Variants in NR1H4 observed in about 807,000 individuals in gnomAD.
NR1H4 encodes the protein nuclear receptor subfamily 1 group H member 4.
NR1H4 carries 23 observed loss-of-function variants against 58.5 expected under a neutral mutation model. That is an observed-to-expected ratio of 0.39 (90% CI 0.28 to 0.56). NR1H4 has a LOEUF of 0.56. Among genes scored for constraint, NR1H4 ranks in the 20% least tolerant of loss-of-function variants. The pLI, the probability that NR1H4 is intolerant of heterozygous loss-of-function variation, is 0.58. For missense variants in NR1H4, 487 were observed against 576.9 expected, an observed-to-expected ratio of 0.84 and a Z score of 1.60; for synonymous variants, 214 against 198.0, an observed-to-expected ratio of 1.08 and a Z score of -0.68.
In NR1H4 at chr12:100,563,592, T is replaced by C; in HGVS notation, c.*103T>C. ...TGTACCCAGTTTCACTCAAGAAATC[T>C]TGATGAATATTTATGTTGTAATTAC... On this transcript the variant is annotated 3_prime_UTR_variant, in exon 11 of 11. Transcript: ENST00000392986. 1 of 901,528 alleles carries C rather than the reference T, an allele frequency of 1.1e-6. No individual in the cohort carries two copies. Among genetic ancestry groups the C allele is most frequent in the Non-Finnish European group, 1.9e-6 (1 of 539,768 alleles). The allele number at this position is 901,528 out of a possible 1,614,324, so 55.8% of individuals were successfully genotyped here.
At chr12:100,520,384 T>A (rs969100932) in intron 4 of NR1H4, among the ~76,000 whole-genome samples, 47 of 151,594 alleles carry the variant, frequency 3.1e-4, no homozygotes, top group African/African-American at 1.1e-3. Context: ...GTTGGAAGAG[T>A]CAGAGTAACA....
chr12:100,483,617 G>A (rs1292882931), intron 1 of NR1H4, among the ~76,000 whole-genome samples: 1 of 152,146 alleles, frequency 6.6e-6, no homozygotes, highest in African/African-American at 2.4e-5. Flanking sequence ...TTTGAGTGCT[G>A]CTTGAAGACC....
In NR1H4 at chr12:100,503,605, G is replaced by T. The variant is rs1339367470; in HGVS notation, c.80-7173G>T. ...GTAACAGATGTCTGTCAAAGATAGT[G>T]GCTCAGTCAGACCCAGAAGACTGGA... On this transcript the variant is annotated intron_variant, in intron 3 of 10. Coordinates refer to ENST00000392986, the MANE Select transcript of NR1H4 (RefSeq NM_001206979.2). 5 of 1,120,108 alleles carry T rather than the reference G, an allele frequency of 4.5e-6. No individual in the cohort carries two copies. In the Admixed American group the frequency reaches 1.5e-4, roughly 33 times the overall value. 69.4% of individuals were successfully genotyped at this position (1,120,108 alleles called of 1,614,324 possible). A position where few individuals can be genotyped will look rare whatever the true frequency, so the allele number is the denominator to read the frequency against.
At chr12:100,540,933 C>A in intron 9 of NR1H4, 115 bp downstream of exon 9, 1 of 969,348 alleles carries the variant, frequency 1.0e-6, no homozygotes, top group Non-Finnish European at 1.6e-6. Flanking sequence ...TTGTGCCTAG[C>A]ATGAAGAATG....
At chr12:100,545,666 AAAAC>A (rs1565777509) in intron 9 of NR1H4, among the ~76,000 whole-genome samples, 10 of 145,552 alleles carry the variant, frequency 6.9e-5, no homozygotes, top group African/African-American at 1.6e-4. Flanking sequence ...AAAAAAAAAA[AAAAC>A]CAAACGGGGG....
Position 100,540,734 on chromosome 12 carries a change from ATG to A in NR1H4, c.996_997del (p.Met332IlefsTer6). The A allele has an allele frequency of 6.2e-7, 1 of 1,613,496 alleles. No homozygotes were observed. The highest frequency in any genetic ancestry group is 8.5e-7 in the Non-Finnish European group (1 of 1,179,392). On this transcript the variant is annotated frameshift_variant, in exon 9 of 11. Coordinates refer to ENST00000392986, the MANE Select transcript of NR1H4 (RefSeq NM_001206979.2). LOFTEE classifies it high-confidence loss of function. ...ALLKGSAVEA[M>X]FLRSAEIFNK... is the part of the protein sequence containing the mutation. ...GCTGAAAGGGTCTGCGGTTGAAGCTATGTTCCTTCGTTCAGCTGAGATTTTCA... is the reference window on the plus strand; with the variant it reads ...GCTGAAAGGGTCTGCGGTTGAAGCTATTCCTTCGTTCAGCTGAGATTTTCA...
chr12:100,503,033 T>C (rs912095999), intron 3 of NR1H4, among the ~76,000 whole-genome samples: 1 of 152,138 alleles, frequency 6.6e-6, no homozygotes, highest in African/African-American at 2.4e-5. Flanking sequence ...CATTATGCTT[T>C]AAATTCTTCC....
At chr12:100,549,633 C>T (rs527789454) in intron 9 of NR1H4, among the ~76,000 whole-genome samples, 1 of 152,172 alleles carries the variant, frequency 6.6e-6, no homozygotes, top group African/African-American at 2.4e-5. Flanking sequence ...ACTTGTGATA[C>T]CTCAAGTTTC....
chr12:100,498,764 A>T (rs917554518), intron 3 of NR1H4, among the ~76,000 whole-genome samples: 1 of 152,168 alleles, frequency 6.6e-6, no homozygotes, highest in African/African-American at 2.4e-5. Flanking sequence ...TTATTATTGT[A>T]TCTAACAGTC....
intron 4 of NR1H4, among the ~76,000 whole-genome samples, chr12:100,511,877 G>A (rs1017405079): frequency 4.0e-5 from 6 of 151,406 alleles, no homozygotes; most frequent in Admixed American, 6.6e-5. Context: ...AGCCAAGATC[G>A]CACCATTGCA....
At chr12:100,545,655 A>AC (rs1565777343) in intron 9 of NR1H4, among the ~76,000 whole-genome samples, 19 of 146,430 alleles carry the variant, frequency 1.3e-4, no homozygotes, top group African/African-American at 4.5e-4. Flanking sequence ...AAAAAAAAAA[A>AC]AAAAAAAAAA....
At chr12:100,528,483 GT>G (rs1474816548) in intron 4 of NR1H4, among the ~76,000 whole-genome samples, 1 of 152,098 alleles carries the variant, frequency 6.6e-6, no homozygotes, top group Non-Finnish European at 1.5e-5. Flanking sequence ...GATCCCATTG[GT>G]GCTACACATT....
intron 9 of NR1H4, among the ~76,000 whole-genome samples, chr12:100,553,297 C>T (rs563630360): frequency 1.3e-4 from 20 of 152,174 alleles, no homozygotes; most frequent in Non-Finnish European, 2.8e-4. Context: ...TGCGCCCGGC[C>T]GATTCCCACT....
rs1361014598 is a variant in NR1H4 at position 100,540,737 on chromosome 12, T to G, written c.997T>G (p.Phe333Val). 1.2e-6 allele frequency: 2 copies of G among 1,614,044 alleles called. No individual in the cohort carries two copies. Among genetic ancestry groups the G allele is most frequent in the Non-Finnish European group, 1.7e-6 (2 of 1,179,998 alleles). ...GAAAGGGTCTGCGGTTGAAGCTATG[T>G]TCCTTCGTTCAGCTGAGATTTTCAA... is the stretch of plus-strand genomic sequence containing the variant. ...LLKGSAVEAMFLRSAEIFNKK... is the reference protein window; with the variant it reads ...LLKGSAVEAMVLRSAEIFNKK... The change falls in exon 9 of 11, where the codon TTC (phenylalanine) becomes GTC (valine). Residue 333 changes from phenylalanine (F) to valine (V), a missense_variant. Coordinates refer to ENST00000392986, the MANE Select transcript of NR1H4 (RefSeq NM_001206979.2).
chr12:100,531,986 C>T (rs931864773), intron 4 of NR1H4, among the ~76,000 whole-genome samples: 1 of 152,166 alleles, frequency 6.6e-6, no homozygotes, highest in Non-Finnish European at 1.5e-5. Flanking sequence ...TCATCCCAAA[C>T]TGAGGAATCT....
chr12:100,492,702 C>G (rs1953630802), intron 2 of NR1H4, 65 bp downstream of exon 2: 1 of 152,476 alleles, frequency 6.6e-6, no homozygotes, highest in Non-Finnish European at 1.5e-5. Flanking sequence ...CAATACATGA[C>G]CAAGGTAGAT....
intron 4 of NR1H4, among the ~76,000 whole-genome samples, chr12:100,530,138 C>A (rs1954657045): frequency 6.6e-6 from 1 of 152,198 alleles, no homozygotes; most frequent in Non-Finnish European, 1.5e-5. Context: ...GAGAATGCAG[C>A]TTTCAGATAG....
At chr12:100,541,741 C>T (rs758455829) in intron 9 of NR1H4, among the ~76,000 whole-genome samples, 23 of 151,698 alleles carry the variant, frequency 1.5e-4, no homozygotes, top group Non-Finnish European at 2.1e-4. Context: ...GGACTACAGG[C>T]GCATGCCATC....
At position 100,539,011 on chromosome 12, in the gene NR1H4, A is replaced by G. The variant is rs188221226; in HGVS notation, c.932-1661A>G. ...TATTTTTGGTTATTTATGGGAAGAG[A>G]TTTTTTAAGTTCAAATGGTCAGTTG... On this transcript the variant is annotated intron_variant, in intron 8 of 10. Transcript: ENST00000392986. Among the ~76,000 whole-genome samples, 170 of 152,330 alleles carry G rather than the reference A, an allele frequency of 1.1e-3. 1 individual carries two copies. Among genetic ancestry groups the G allele is most frequent in the African/African-American group, 3.8e-3 (158 of 41,574 alleles).
Sources: gnomAD v4.1 joint callset for allele counts (sites outside exome capture counted in the v4.1 genomes callset) on GRCh38, gnomAD v4.1.1 for gene constraint, MANE v1.5 for transcripts, NCBI Gene and HGNC (gene_info 2026-07-23, HGNC 2026-07-21) for gene names.